Variants in RUNX1 observed in about 807,000 individuals in gnomAD.
RUNX1 encodes the protein RUNX family transcription factor 1.
Under a neutral mutation model 42.8 loss-of-function variants are expected in RUNX1, and 19 were observed. That is an observed-to-expected ratio of 0.44 (90% CI 0.31 to 0.65). RUNX1 has a LOEUF of 0.65. RUNX1 is among the 30% of genes least tolerant of loss of function. The pLI is 0.07. For missense variants in RUNX1, 528 were observed against 672.0 expected, an observed-to-expected ratio of 0.79 and a Z score of 2.37; for synonymous variants, 271 against 289.4, an observed-to-expected ratio of 0.94 and a Z score of 0.64.
chr21:34,821,640 G>A (rs559992794), intron 7 of RUNX1: 2 of 1,563,444 alleles, frequency 1.3e-6, no homozygotes, highest in South Asian at 2.4e-5. Context: ...GCTGGGGAGA[G>A]GGATGGACAG....
intron 6 of RUNX1, among the ~76,000 whole-genome samples, chr21:34,851,449 A>T (rs1039179404): frequency 1.3e-5 from 2 of 152,256 alleles, no homozygotes; most frequent in East Asian, 1.9e-4. Flanking sequence ...AATGAAGACG[A>T]AAGTATTTAA....
chr21:34,838,001 A>C (rs2057174250), intron 6 of RUNX1, among the ~76,000 whole-genome samples: 1 of 152,256 alleles, frequency 6.6e-6, no homozygotes, highest in African/African-American at 2.4e-5. Flanking sequence ...GTATATAATA[A>C]AAATAAGTCA....
intron 8 of RUNX1, among the ~76,000 whole-genome samples, chr21:34,794,692 G>A (rs889473087): frequency 6.6e-6 from 1 of 152,134 alleles, no homozygotes; most frequent in Non-Finnish European, 1.5e-5. Flanking sequence ...TGGGAACTAC[G>A]GAGGATTTGT....
At chr21:34,993,530 C>T (rs1364560252) in intron 2 of RUNX1, among the ~76,000 whole-genome samples, 2 of 141,342 alleles carry the variant, frequency 1.4e-5, no homozygotes, top group African/African-American at 2.7e-5. Flanking sequence ...CACACACATA[C>T]ATACAGGCAC....
rs2145871684 is a variant in RUNX1, at chr21:34,792,150, C to A, written c.1428G>T (p.Val476=). 6.7e-7 allele frequency: 1 copy of A among 1,501,292 alleles called. No individual in the cohort carries two copies. Among genetic ancestry groups the A allele is most frequent in the Non-Finnish European group, 8.8e-7 (1 of 1,132,578 alleles). The allele number at this position is 1,501,292 out of a possible 1,614,324, so 93.0% of individuals were successfully genotyped here. A position where few individuals can be genotyped will look rare whatever the true frequency, so the allele number is the denominator to read the frequency against. The change falls in exon 9 of 9, where the codon GTG becomes GTT. Residue 476 remains valine, a synonymous_variant. Transcript: ENST00000675419. The surrounding 1 kb of genome is among the most constrained non-coding windows in gnomAD (Gnocchi z 6.9). ...GCCTGGCGCCTCAGTAGGGCCTCCA[C>A]ACGGCCTCCTCCAGGCGCGCGGAGG... ...MAPSARLEEA[V]WRPY
chr21:35,036,994 C>T (rs902777433), intron 2 of RUNX1, among the ~76,000 whole-genome samples: 1 of 152,128 alleles, frequency 6.6e-6, no homozygotes, highest in Non-Finnish European at 1.5e-5. Context: ...TACATGTGTT[C>T]CATGGCCTGG....
At position 34,790,533 on chromosome 21, in the gene RUNX1, A is replaced by G. The variant is rs1363627872; in HGVS notation, c.*1602T>C. On this transcript the variant is annotated 3_prime_UTR_variant, in exon 9 of 9. Transcript: ENST00000675419. ...AATCCTCCAATAAAAATAGTGCCAT[A>G]AAATTTACAGCGACATTGGATACCT... The G allele has an allele frequency of 4.3e-6, 1 of 233,478 alleles. No individual in the cohort carries two copies. The highest frequency in any genetic ancestry group is 8.5e-6 in the Non-Finnish European group (1 of 118,060). 14.5% of individuals were successfully genotyped at this position (233,478 alleles called of 1,614,324 possible).
At chr21:34,801,797 A>G (rs538232464) in intron 7 of RUNX1, among the ~76,000 whole-genome samples, 19 of 152,310 alleles carry the variant, frequency 1.2e-4, no homozygotes, top group Non-Finnish European at 2.2e-4. Flanking sequence ...AAGGCCTGAT[A>G]ATATGGTGCA....
At chr21:34,957,899 G>C (rs2058656128) in intron 2 of RUNX1, among the ~76,000 whole-genome samples, 1 of 152,166 alleles carries the variant, frequency 6.6e-6, no homozygotes, top group African/African-American at 2.4e-5. Flanking sequence ...TATGGGGCAG[G>C]ATGTCTGTCC....
At chr21:34,887,258 TGG>T in intron 3 of RUNX1, 162 bp from the exon 4 acceptor site, 8 of 261,128 alleles carry the variant, frequency 3.1e-5, no homozygotes, top group South Asian at 1.1e-4. Context: ...GGGGCGGGGG[TGG>T]TTAGGGGAGG....
intron 5 of RUNX1, among the ~76,000 whole-genome samples, chr21:34,865,945 T>C (rs996277832): frequency 6.6e-6 from 1 of 152,228 alleles, no homozygotes; most frequent in African/African-American, 2.4e-5. Context: ...AGAATCCTCC[T>C]ATAACACCCC....
At chr21:34,849,763 CA>C (rs975019354) in intron 6 of RUNX1, among the ~76,000 whole-genome samples, 29 of 149,316 alleles carry the variant, frequency 1.9e-4, no homozygotes, top group Non-Finnish European at 3.1e-4. Context: ...ACTTTGATAG[CA>C]AAAAAAAGCA....
intron 3 of RUNX1, chr21:34,887,977 C>T (rs2058022959): frequency 9.4e-7 from 1 of 1,066,002 alleles, no homozygotes; most frequent in African/African-American, 1.6e-5. Context: ...GTCGATGACA[C>T]TCAGGGTTCT....
At chr21:34,803,065 G>A (rs1286417680) in intron 7 of RUNX1, among the ~76,000 whole-genome samples, 1 of 152,142 alleles carries the variant, frequency 6.6e-6, no homozygotes, top group Non-Finnish European at 1.5e-5. Context: ...TTTGCTCCAG[G>A]ATAAGGCTCA....
At chr21:34,820,365 T>C (rs1209677455) in intron 7 of RUNX1, among the ~76,000 whole-genome samples, 2 of 152,080 alleles carry the variant, frequency 1.3e-5, no homozygotes. Context: ...GAATCCCTCC[T>C]CCAGCCAGGC....
At chr21:34,879,497 T>G (rs2057863833) in intron 5 of RUNX1, among the ~76,000 whole-genome samples, 1 of 152,196 alleles carries the variant, frequency 6.6e-6, no homozygotes, top group South Asian at 2.1e-4. Flanking sequence ...GAGATTTTCT[T>G]GTTTTTAAAT....
intron 2 of RUNX1, among the ~76,000 whole-genome samples, chr21:34,928,231 G>A (rs917285142): frequency 5.3e-5 from 8 of 152,170 alleles, no homozygotes; most frequent in Admixed American, 3.3e-4. Flanking sequence ...GTTATGGAAC[G>A]TTTACATCAT....
At chr21:35,038,530 A>G (rs2059327304) in intron 2 of RUNX1, 1 of 453,018 alleles carries the variant, frequency 2.2e-6, no homozygotes, top group South Asian at 1.6e-5. Flanking sequence ...CCTGGGGAGA[A>G]GTCCCAATGG....
intron 2 of RUNX1, among the ~76,000 whole-genome samples, chr21:35,026,964 C>T (rs1293140831): frequency 6.6e-6 from 1 of 152,268 alleles, no homozygotes; most frequent in Non-Finnish European, 1.5e-5. Flanking sequence ...TATTTTTCGA[C>T]AAACAGGATG....
Sources: allele counts gnomAD v4.1 joint callset (sites outside exome capture counted in the v4.1 genomes callset), GRCh38; gene constraint gnomAD v4.1.1; non-coding constraint Gnocchi (gnomAD v3.1); transcripts MANE v1.5; gene names NCBI Gene and HGNC (gene_info 2026-07-23, HGNC 2026-07-21).